The following ENOX1 variants were observed in gnomAD, a reference collection of about 807,000 sequenced individuals.
ENOX1 encodes the protein candidate growth-related and time keeping constitutive hydroquinone (NADH) oxidase.
In ENOX1, 42 loss-of-function variants were observed where a neutral mutation model predicts 82.5. The ratio of observed to expected loss-of-function variants is 0.51; its 90% CI spans 0.40 to 0.66. The LOEUF (loss-of-function observed/expected upper bound fraction) is 0.66, where lower values mean the gene tolerates loss of function less well. ENOX1 is among the 30% of genes least tolerant of loss of function. ENOX1 has a pLI of 0.00. For synonymous variants in ENOX1, 271 were observed against 282.2 expected (o/e 0.96, Z 0.40); for missense variants, 608 against 811.6 (o/e 0.75, Z 3.05).
rs561555904 is a variant in ENOX1 at position 43,388,804 on chromosome 13, G to A, written c.208+23112C>T. Among the ~76,000 whole-genome samples the A allele has an allele frequency of 2.0e-4, 30 of 152,262 alleles. No individual in the cohort carries two copies. In the South Asian group the frequency reaches 5.4e-3, roughly 27 times the overall value. ...CTGGTAAAATTTTGATAGGTGGAGA[G>A]GCAGAGGAAGGTGTCTCTGAATCAT... On this transcript the variant is annotated intron_variant, in intron 5 of 16. Transcript: ENST00000690772.
At chr13:43,280,921 G>A (rs1185386737) in intron 12 of ENOX1, among the ~76,000 whole-genome samples, 3 of 152,138 alleles carry the variant, frequency 2.0e-5, no homozygotes, top group Non-Finnish European at 4.4e-5. Flanking sequence ...AGAGGGAGAG[G>A]AAGTTTGCTC....
chr13:43,345,933 C>T (rs969619502), intron 8 of ENOX1, among the ~76,000 whole-genome samples: 13 of 152,068 alleles, frequency 8.5e-5, no homozygotes, highest in African/African-American at 2.4e-4. Flanking sequence ...GGAGGGGCAT[C>T]GGAGACATCC....
intron 2 of ENOX1, chr13:43,544,743 C>T (rs2078900240): frequency 6.6e-6 from 1 of 152,194 alleles, no homozygotes; most frequent in Admixed American, 6.5e-5. Context: ...AGTCAAGCTT[C>T]ATCCAGTAAG....
At chr13:43,519,297 A>G (rs1340755347) in intron 2 of ENOX1, among the ~76,000 whole-genome samples, 4 of 152,166 alleles carry the variant, frequency 2.6e-5, no homozygotes, top group African/African-American at 9.6e-5. Context: ...CAATCTCACC[A>G]TCAACCTTAT....
intron 12 of ENOX1, among the ~76,000 whole-genome samples, chr13:43,288,149 C>T (rs954020758): frequency 6.6e-6 from 1 of 152,082 alleles, no homozygotes; most frequent in African/African-American, 2.4e-5. Context: ...AATTACAAAC[C>T]CTGGAATAGT....
intron 14 of ENOX1, among the ~76,000 whole-genome samples, chr13:43,262,971 C>T (rs771017567): frequency 8.5e-5 from 13 of 152,170 alleles, no homozygotes; most frequent in East Asian, 3.8e-4. Flanking sequence ...CTGAAGGCCT[C>T]GTCTCTTTTG....
rs780459387 is a variant in ENOX1 at position 43,411,947 on chromosome 13, G to A, written c.177C>T (p.Pro59=). ...CGAGCTGCTGTCCAGGCAACCCTAC[G>A]GGAACCATGCCCAGGTTATTCATGG... ...ATAMNNLGMV[P]VGLPGQQLVS... The change falls in exon 5 of 17, where the codon CCC becomes CCT. Residue 59 remains proline, a synonymous_variant. Coordinates refer to ENST00000690772, the MANE Select transcript of ENOX1 (RefSeq NM_001347969.2). 4.3e-6 allele frequency: 7 copies of A among 1,614,048 alleles called. No homozygotes were observed. Among genetic ancestry groups the A allele is most frequent in the African/African-American group, 4.0e-5 (3 of 74,922 alleles).
chr13:43,534,613 C>T (rs982146082), intron 2 of ENOX1, among the ~76,000 whole-genome samples: 2 of 152,100 alleles, frequency 1.3e-5, no homozygotes, highest in Non-Finnish European at 2.9e-5. Context: ...TTGCAAATTA[C>T]AATATTCCAA....
intron 2 of ENOX1, among the ~76,000 whole-genome samples, chr13:43,664,084 T>C (rs1360618274): frequency 6.6e-6 from 1 of 152,218 alleles, no homozygotes; most frequent in Non-Finnish European, 1.5e-5. Context: ...GTATAATTTG[T>C]TTAATTAATA....
At chr13:43,718,550 T>C (rs560908695) in intron 1 of ENOX1, among the ~76,000 whole-genome samples, 1 of 151,764 alleles carries the variant, frequency 6.6e-6, no homozygotes, top group East Asian at 1.9e-4. Context: ...TTGAAATTAT[T>C]TAAAAATTGG....
At chr13:43,593,307 T>C (rs1288600262) in intron 2 of ENOX1, among the ~76,000 whole-genome samples, 1 of 152,086 alleles carries the variant, frequency 6.6e-6, no homozygotes, top group African/African-American at 2.4e-5. Flanking sequence ...AATGATCCCA[T>C]AGCCTACATC....
chr13:43,486,665 T>C (rs1172691989), intron 2 of ENOX1, among the ~76,000 whole-genome samples: 6 of 152,124 alleles, frequency 3.9e-5, no homozygotes, highest in African/African-American at 1.4e-4. Context: ...CCAGTAGGTG[T>C]TTGTAATAAT....
At chr13:43,216,874 G>A (rs1347798047) in intron 16 of ENOX1, among the ~76,000 whole-genome samples, 1 of 152,184 alleles carries the variant, frequency 6.6e-6, no homozygotes, top group Non-Finnish European at 1.5e-5. Flanking sequence ...AAGGGGCAGT[G>A]CCACCCAGCA....
Position 43,277,592 on chromosome 13 carries a change from G to A in ENOX1, c.1447-8015C>T, listed in dbSNP as rs139401473. Among the ~76,000 whole-genome samples, 600 of 152,326 alleles carry A rather than the reference G, an allele frequency of 3.9e-3. 1 individual carries two copies. The highest frequency in any genetic ancestry group is 0.014 in the African/African-American group (574 of 41,574). ...GACCTGGCAAGGATCCCTGTGGACC[G>A]AGTAAGGCATGAGCTGAAGGATGCA... is the stretch of plus-strand genomic sequence containing the variant. On this transcript the variant is annotated intron_variant, in intron 12 of 16. Coordinates refer to ENST00000690772, the MANE Select transcript of ENOX1 (RefSeq NM_001347969.2).
chr13:43,237,166 G>A (rs931719413), intron 14 of ENOX1, among the ~76,000 whole-genome samples: 2 of 152,206 alleles, frequency 1.3e-5, no homozygotes, highest in Admixed American at 6.5e-5. Flanking sequence ...GCCTATTGGG[G>A]AGCTAAGATA....
At chr13:43,447,690 T>C (rs1291749500) in intron 3 of ENOX1, among the ~76,000 whole-genome samples, 1 of 152,194 alleles carries the variant, frequency 6.6e-6, no homozygotes, top group Non-Finnish European at 1.5e-5. Context: ...CAGCCAGCTA[T>C]AGCCCTTCTA....
intron 14 of ENOX1, among the ~76,000 whole-genome samples, chr13:43,244,126 A>G (rs1340613476): frequency 6.6e-6 from 1 of 150,734 alleles, no homozygotes; most frequent in African/African-American, 2.5e-5. Flanking sequence ...AATCTGTCAC[A>G]TTATTTACAT....
At chr13:43,426,258 T>C (rs1485060621) in intron 3 of ENOX1, among the ~76,000 whole-genome samples, 1 of 152,142 alleles carries the variant, frequency 6.6e-6, no homozygotes, top group Non-Finnish European at 1.5e-5. Context: ...AGAATACAGA[T>C]GAGAGAGAAA....
intron 3 of ENOX1, among the ~76,000 whole-genome samples, chr13:43,462,675 A>C (rs970783): frequency 0.11 from 16,231 of 152,276 alleles, 950 homozygotes; most frequent in East Asian, 0.26. Flanking sequence ...GTAGCAAATA[A>C]AGTTTATGTT....
Sources: gnomAD v4.1 joint callset for allele counts (sites outside exome capture counted in the v4.1 genomes callset) on GRCh38, gnomAD v4.1.1 for gene constraint, MANE v1.5 for transcripts, NCBI Gene and HGNC (gene_info 2026-07-23, HGNC 2026-07-21) for gene names.